Variants in STRN3 observed in about 807,000 individuals in gnomAD.
STRN3 encodes striatin-3.
A neutral mutation model predicts 95.6 loss-of-function variants in STRN3; 29 were observed. That is an observed-to-expected ratio of 0.30 (90% CI 0.23 to 0.41). The LOEUF (loss-of-function observed/expected upper bound fraction) is 0.41, where lower values mean the gene tolerates loss of function less well. Among genes scored for constraint, STRN3 ranks in the 10% least tolerant of loss-of-function variants. The pLI is 1.00. For synonymous variants in STRN3, 331 were observed against 357.6 expected (o/e 0.93, Z 0.84); for missense variants, 890 against 972.1 (o/e 0.92, Z 1.12).
At chr14:30,991,436 G>A (rs1409756898) in intron 1 of STRN3, among the ~76,000 whole-genome samples, 1 of 152,120 alleles carries the variant, frequency 6.6e-6, no homozygotes, top group Non-Finnish European at 1.5e-5. Flanking sequence ...AAATAGGACA[G>A]GCATCTGTAA....
chr14:30,996,529 C>G (rs1185130259), intron 1 of STRN3, among the ~76,000 whole-genome samples: 1 of 152,160 alleles, frequency 6.6e-6, no homozygotes, highest in Non-Finnish European at 1.5e-5. Flanking sequence ...AGGTCAAGAA[C>G]TGGGTTTGGC....
chr14:31,006,734 C>CA (rs367784989), intron 1 of STRN3, among the ~76,000 whole-genome samples: 19 of 149,172 alleles, frequency 1.3e-4, no homozygotes, highest in South Asian at 6.4e-4. Flanking sequence ...ATCACACATA[C>CA]AAAAAAAAAG....
intron 1 of STRN3, among the ~76,000 whole-genome samples, chr14:31,023,832 C>CAA (rs4011677): frequency 0.45 from 63,863 of 143,214 alleles, 14,264 homozygotes; most frequent in Non-Finnish European, 0.46. Flanking sequence ...ATATATAACT[C>CAA]AAAAAAAAAA....
chr14:30,911,629 T>G, intron 12 of STRN3, 148 bp downstream of exon 12: 1 of 732,084 alleles, frequency 1.4e-6, no homozygotes, highest in Non-Finnish European at 2.2e-6. Context: ...ATTCATAGTC[T>G]CACCAATACA....
chr14:31,022,616 C>T (rs179736), intron 1 of STRN3, among the ~76,000 whole-genome samples: 59,356 of 150,432 alleles, frequency 0.39, 12,471 homozygotes, highest in Non-Finnish European at 0.47. Flanking sequence ...GTGTGGGCCA[C>T]GCAATACTAG....
intron 1 of STRN3, among the ~76,000 whole-genome samples, chr14:30,963,061 T>A (rs1880289582): frequency 6.6e-6 from 1 of 150,772 alleles, no homozygotes; most frequent in Non-Finnish European, 1.5e-5. Flanking sequence ...CAAAACATAT[T>A]CTTGCTGTTA....
In STRN3 at chr14:30,989,935, T is replaced by C. The variant is rs757974748; in HGVS notation, c.283-33693A>G. Reference sequence around the variant, plus strand: ...ATTGAAAGACTCACAATGGTGACAATGAAGACTAAATCAAAAAAATGGAAG... The same window carrying C: ...ATTGAAAGACTCACAATGGTGACAACGAAGACTAAATCAAAAAAATGGAAG... On this transcript the variant is annotated intron_variant, in intron 1 of 17. Coordinates refer to ENST00000357479, the MANE Select transcript of STRN3 (RefSeq NM_001083893.2). 1.0e-3 allele frequency among the ~76,000 whole-genome samples: 157 copies of C among 151,674 alleles called. 1 individual carries two copies. The highest frequency in any genetic ancestry group is 1.9e-3 in the Non-Finnish European group (132 of 67,986).
At chr14:30,996,478 G>A (rs1335930804) in intron 1 of STRN3, among the ~76,000 whole-genome samples, 1 of 152,108 alleles carries the variant, frequency 6.6e-6, no homozygotes, top group African/African-American at 2.4e-5. Context: ...TGTTGTTACT[G>A]TTTTACGACT....
chr14:30,966,200 A>G (rs537347018), intron 1 of STRN3, among the ~76,000 whole-genome samples: 24 of 151,006 alleles, frequency 1.6e-4, no homozygotes, highest in Non-Finnish European at 3.1e-4. Context: ...CAGGGGAACA[A>G]CACGGCAGCA....
rs1896589852 is a variant in STRN3, at chr14:30,910,939, G to T, written c.1720+102C>A. 7 of 1,272,440 alleles carry T rather than the reference G, an allele frequency of 5.5e-6. No homozygotes were observed. The South Asian group carries it at 8.8e-5, about 16-fold the overall frequency. 78.8% of individuals were successfully genotyped at this position (1,272,440 alleles called of 1,614,324 possible). A position where few individuals can be genotyped will look rare whatever the true frequency, so the allele number is the denominator to read the frequency against. On this transcript the variant is annotated intron_variant, in intron 13 of 17. Transcript: ENST00000357479. The stretch of plus-strand genomic sequence containing the variant: ...TTAGCAAATGGAAGAACTAAATGAG[G>T]TGACTAATATAGGTTTAAATAACCT...
In STRN3 at chr14:30,894,899, T is replaced by G. The variant is rs750381318; in HGVS notation, c.*512A>C. 9.5e-7 allele frequency: 1 copy of G among 1,053,218 alleles called. No individual in the cohort carries two copies. Among genetic ancestry groups the G allele is most frequent in the African/African-American group, 1.7e-5 (1 of 57,738 alleles). 65.2% of individuals were successfully genotyped at this position (1,053,218 alleles called of 1,614,324 possible). ...TAAGTTAAATTTTCTTTTTCTTTTTTTTTTTTTTTAAAGCAAAATAAGTTT... is the reference window on the plus strand; with the variant it reads ...TAAGTTAAATTTTCTTTTTCTTTTTGTTTTTTTTTAAAGCAAAATAAGTTT... On this transcript the variant is annotated 3_prime_UTR_variant, in exon 18 of 18. Coordinates refer to ENST00000357479, the MANE Select transcript of STRN3 (RefSeq NM_001083893.2).
intron 1 of STRN3, among the ~76,000 whole-genome samples, chr14:30,964,144 C>T (rs1566461350): frequency 6.6e-6 from 1 of 152,068 alleles, no homozygotes; most frequent in East Asian, 1.9e-4. Flanking sequence ...CTCAGCTATA[C>T]GAGAGGGTGA....
chr14:30,943,606 C>T (rs547756582), intron 5 of STRN3, among the ~76,000 whole-genome samples: 15 of 152,194 alleles, frequency 9.9e-5, no homozygotes, highest in Middle Eastern at 3.4e-3. Flanking sequence ...TTCAAAACAA[C>T]ACTAAACAAA....
rs1172787949 is a variant in STRN3 at position 30,893,824 on chromosome 14, T to G, written c.*1587A>C. 1 of 152,556 alleles carries G rather than the reference T, an allele frequency of 6.6e-6. No homozygotes were observed. The highest frequency in any genetic ancestry group is 2.4e-5 in the African/African-American group (1 of 41,434). The allele number at this position is 152,556 out of a possible 1,614,324, so 9.5% of individuals were successfully genotyped here. On this transcript the variant is annotated 3_prime_UTR_variant, in exon 18 of 18. Transcript: ENST00000357479. ...AAATCTCCATTTCCTAGTTTAATTA[T>G]GGAGAATAAAGTATTGCACTTTATT...
At chr14:31,023,478 T>C (rs570165073) in intron 1 of STRN3, among the ~76,000 whole-genome samples, 1 of 152,234 alleles carries the variant, frequency 6.6e-6, no homozygotes, top group Non-Finnish European at 1.5e-5. Flanking sequence ...CCAGGGAAAA[T>C]ATTATTCCCC....
chr14:30,946,880 G>A (rs1344187063), intron 5 of STRN3, among the ~76,000 whole-genome samples: 1 of 151,780 alleles, frequency 6.6e-6, no homozygotes, highest in African/African-American at 2.4e-5. Context: ...TTGGGAGGCT[G>A]AGGCAGGAGA....
intron 1 of STRN3, among the ~76,000 whole-genome samples, chr14:30,977,958 T>A (rs1246225748): frequency 1.3e-5 from 2 of 152,112 alleles, no homozygotes; most frequent in South Asian, 4.1e-4. Context: ...AAAACTTACA[T>A]AAGGAGCAAT....
At chr14:30,999,429 T>G (rs145226151) in intron 1 of STRN3, among the ~76,000 whole-genome samples, 205 of 152,184 alleles carry the variant, frequency 1.3e-3, no homozygotes, top group African/African-American at 4.6e-3. Flanking sequence ...AAGGAAAACA[T>G]ATGAGAATGA....
chr14:30,979,100 CAA>C (rs940413943), intron 1 of STRN3, among the ~76,000 whole-genome samples: 6 of 108,962 alleles, frequency 5.5e-5, no homozygotes, highest in African/African-American at 2.2e-4. Context: ...GATTAATAAA[CAA>C]AAGTCTGTTA....
Sources: gnomAD v4.1 joint callset for allele counts (sites outside exome capture counted in the v4.1 genomes callset) on GRCh38, gnomAD v4.1.1 for gene constraint, MANE v1.5 for transcripts, NCBI Gene and HGNC (gene_info 2026-07-23, HGNC 2026-07-21) for gene names.